Variants in RPS6KC1 observed in about 807,000 individuals in gnomAD.
RPS6KC1 encodes the protein inactive ribosomal protein S6 kinase delta-1.
In RPS6KC1, 54 loss-of-function variants were observed where a neutral mutation model predicts 103.8. The ratio of observed to expected loss-of-function variants is 0.52; its 90% CI spans 0.42 to 0.65. RPS6KC1 has a LOEUF of 0.65. Among genes scored for constraint, RPS6KC1 ranks in the 30% least tolerant of loss-of-function variants. The probability of loss-of-function intolerance (pLI) is 0.00; values close to 1 mark genes in which losing one functional copy is unlikely to be tolerated. For synonymous variants in RPS6KC1, 439 were observed against 438.7 expected (o/e 1.00, Z -0.01); for missense variants, 1,151 against 1,253.8 (o/e 0.92, Z 1.24).
At chr1:213,279,930 G>A in the RPS6KC1 span, among the ~76,000 whole-genome samples, 1 of 152,194 alleles carries the variant, frequency 6.6e-6, no homozygotes, top group African/African-American at 2.4e-5. Flanking sequence ...AGCGGTCTGT[G>A]TTTTAACAAG....
At chr1:213,514,204 A>G in the RPS6KC1 span, among the ~76,000 whole-genome samples, 4 of 152,196 alleles carry the variant, frequency 2.6e-5, no homozygotes, top group Admixed American at 2.0e-4. Context: ...TTAGCCTTTG[A>G]TTAATAAATA....
chr1:213,249,970 A>G (rs911331902), intron 12 of RPS6KC1, among the ~76,000 whole-genome samples: 1 of 152,196 alleles, frequency 6.6e-6, no homozygotes, highest in Non-Finnish European at 1.5e-5. Flanking sequence ...CCACGACAAC[A>G]AGAAATTCAG....
intron 8 of RPS6KC1, among the ~76,000 whole-genome samples, chr1:213,189,997 A>G (rs148742606): frequency 2.7e-3 from 409 of 152,298 alleles, no homozygotes; most frequent in African/African-American, 9.3e-3. Flanking sequence ...ATTCTTTTTT[A>G]TGCCTGAATA....
the RPS6KC1 span, chr1:213,821,166 C>G: frequency 1.7e-4 from 26 of 152,594 alleles, no homozygotes; most frequent in Non-Finnish European, 2.5e-4. Flanking sequence ...TGCTATTCTC[C>G]ATGACCTTGA....
chr1:213,795,183 A>G, the RPS6KC1 span, among the ~76,000 whole-genome samples: 1 of 152,198 alleles, frequency 6.6e-6, no homozygotes. Flanking sequence ...ATATCTATCC[A>G]TCCTGTACTC....
At chr1:213,352,087 C>G in the RPS6KC1 span, among the ~76,000 whole-genome samples, 1 of 151,848 alleles carries the variant, frequency 6.6e-6, no homozygotes, top group African/African-American at 2.4e-5. Context: ...AAAATTAGCT[C>G]CAAATTTATT....
chr1:213,163,022 C>T (rs2090628567), intron 6 of RPS6KC1, among the ~76,000 whole-genome samples: 1 of 152,126 alleles, frequency 6.6e-6, no homozygotes, highest in Non-Finnish European at 1.5e-5. Flanking sequence ...TACTGTTCTT[C>T]TCAAGGTTGC....
downstream of RPS6KC1, among the ~76,000 whole-genome samples, chr1:213,276,261 G>A (rs2095112313): frequency 6.6e-6 from 1 of 152,110 alleles, no homozygotes; most frequent in African/African-American, 2.4e-5. Context: ...CATATTTATC[G>A]GATTCACTTA....
At chr1:213,784,382 T>C in the RPS6KC1 span, among the ~76,000 whole-genome samples, 1 of 152,212 alleles carries the variant, frequency 6.6e-6, no homozygotes, top group Non-Finnish European at 1.5e-5. Context: ...CCTTAGAGAT[T>C]ACCCAATCCA....
chr1:213,297,047 C>T, the RPS6KC1 span, among the ~76,000 whole-genome samples: 1 of 152,180 alleles, frequency 6.6e-6, no homozygotes, highest in Non-Finnish European at 1.5e-5. Flanking sequence ...CCCTGCTTGT[C>T]TCACAAACCA....
At chr1:213,549,970 G>C in the RPS6KC1 span, among the ~76,000 whole-genome samples, 2 of 152,158 alleles carry the variant, frequency 1.3e-5, no homozygotes, top group Non-Finnish European at 2.9e-5. Flanking sequence ...GAGGGCAGTG[G>C]GGAGAGGGGC....
At chr1:213,160,650 A>C (rs7547274) in intron 6 of RPS6KC1, among the ~76,000 whole-genome samples, 111,172 of 151,854 alleles carry the variant, frequency 0.73, 41,561 homozygotes, top group African/African-American at 0.88. Flanking sequence ...GTCATATACA[A>C]CATGGAATAC....
the RPS6KC1 span, among the ~76,000 whole-genome samples, chr1:213,518,939 G>A: frequency 3.9e-5 from 6 of 152,144 alleles, no homozygotes; most frequent in Non-Finnish European, 2.9e-5. Flanking sequence ...ACATCCCAGA[G>A]GGAGAAGAAG....
chr1:213,579,944 A>G, the RPS6KC1 span, among the ~76,000 whole-genome samples: 1 of 152,084 alleles, frequency 6.6e-6, no homozygotes, highest in Non-Finnish European at 1.5e-5. Flanking sequence ...GGAGATGTAC[A>G]AGGAGATGAA....
At chr1:213,168,022 C>T in intron 7 of RPS6KC1, 49 bp downstream of exon 7, 3 of 1,128,178 alleles carry the variant, frequency 2.7e-6, no homozygotes, top group Non-Finnish European at 4.0e-6. Flanking sequence ...TTTTTGCTGT[C>T]TGGTCTCTCT....
chr1:213,557,021 G>A, the RPS6KC1 span, among the ~76,000 whole-genome samples: 1 of 152,170 alleles, frequency 6.6e-6, no homozygotes, highest in Admixed American at 6.5e-5. Flanking sequence ...TTGATAGGCA[G>A]GTAGACGCCT....
chr1:213,314,711 T>C, the RPS6KC1 span, among the ~76,000 whole-genome samples: 1 of 152,042 alleles, frequency 6.6e-6, no homozygotes, highest in Admixed American at 6.6e-5. Context: ...GAAAATACTT[T>C]GGGGGAAATA....
chr1:213,832,977 G>A, the RPS6KC1 span, among the ~76,000 whole-genome samples: 2 of 152,132 alleles, frequency 1.3e-5, no homozygotes, highest in African/African-American at 4.8e-5. Flanking sequence ...AAGTCCAGGA[G>A]CAGGGAGAAA....
At chr1:213,515,016 A>G in the RPS6KC1 span, among the ~76,000 whole-genome samples, 1 of 152,198 alleles carries the variant, frequency 6.6e-6, no homozygotes, top group African/African-American at 2.4e-5. Flanking sequence ...TTTTGGCTGC[A>G]TAAATGTCTT....
Sources: allele counts gnomAD v4.1 joint callset (sites outside exome capture counted in the v4.1 genomes callset), GRCh38; gene constraint gnomAD v4.1.1; transcripts MANE v1.5; gene names NCBI Gene and HGNC (gene_info 2026-07-23, HGNC 2026-07-21).